Variants in PRKN observed in about 807,000 individuals in gnomAD.
The protein encoded by PRKN is parkin RBR E3 ubiquitin protein ligase, also known as E3 ubiquitin-protein ligase parkin.
In PRKN, 56 loss-of-function variants were observed where a neutral mutation model predicts 59.5. The ratio of observed to expected loss-of-function variants is 0.94; its 90% CI spans 0.76 to 1.18. The LOEUF is 1.18. PRKN is among the 50% of genes most tolerant of loss of function. PRKN has a pLI of 0.00. For missense variants in PRKN, 657 were observed against 596.4 expected (o/e 1.10, Z -1.06); for synonymous variants, 250 against 222.1 (o/e 1.13, Z -1.12).
chr6:162,268,017 C>T (rs1329124650), intron 2 of PRKN, among the ~76,000 whole-genome samples: 3 of 152,004 alleles, frequency 2.0e-5, no homozygotes, highest in Non-Finnish European at 4.4e-5. Context: ...AAATTGTTAA[C>T]AATACCACAT....
chr6:161,650,931 T>C (rs1398089906), intron 7 of PRKN, among the ~76,000 whole-genome samples: 1 of 152,222 alleles, frequency 6.6e-6, no homozygotes, highest in African/African-American at 2.4e-5. Context: ...GTGTGCTACA[T>C]TTTGCATTTA....
chr6:162,578,180 T>C (rs984667649), intron 1 of PRKN, among the ~76,000 whole-genome samples: 2 of 152,106 alleles, frequency 1.3e-5, no homozygotes, highest in African/African-American at 2.4e-5. Context: ...CCACTAAAAA[T>C]AGTAATCCAC....
intron 1 of PRKN, among the ~76,000 whole-genome samples, chr6:162,621,359 C>T (rs1198768772): frequency 6.6e-6 from 1 of 152,142 alleles, no homozygotes; most frequent in Non-Finnish European, 1.5e-5. Context: ...GAGAACAAGT[C>T]GAGGTTAGCA....
chr6:161,617,576 G>A (rs1782743057), intron 7 of PRKN, among the ~76,000 whole-genome samples: 1 of 152,184 alleles, frequency 6.6e-6, no homozygotes, highest in Admixed American at 6.5e-5. Flanking sequence ...ATGGGACCAG[G>A]AACTTGCACA....
chr6:161,880,905 A>G (rs1487207114), intron 6 of PRKN, among the ~76,000 whole-genome samples: 2 of 152,206 alleles, frequency 1.3e-5, no homozygotes, highest in Non-Finnish European at 2.9e-5. Context: ...GGTTATAAGG[A>G]CGTGGGAGAT....
chr6:162,235,039 T>C (rs1778587427), intron 3 of PRKN, among the ~76,000 whole-genome samples: 1 of 152,164 alleles, frequency 6.6e-6, no homozygotes, highest in Non-Finnish European at 1.5e-5. Flanking sequence ...AATATAACTT[T>C]ATGAAAAAAA....
chr6:162,280,019 G>A (rs761364007), intron 2 of PRKN, among the ~76,000 whole-genome samples: 2 of 151,498 alleles, frequency 1.3e-5, no homozygotes, highest in Non-Finnish European at 1.5e-5. Context: ...CATTCCATTT[G>A]CTTGGTAAAT....
At chr6:162,304,022 A>G (rs2128114848) in intron 2 of PRKN, among the ~76,000 whole-genome samples, 1 of 152,224 alleles carries the variant, frequency 6.6e-6, no homozygotes, top group East Asian at 1.9e-4. Flanking sequence ...ATAACTGAAA[A>G]CATACTGAAA....
rs115593839 is a variant in PRKN, at chr6:161,560,982, T to C, written c.933+8373A>G. Reference sequence around the variant, plus strand: ...ATCACCTCCACCTTCCCTGGGCGTGTAGCCCTGCAGCTGGACACAATGGCA... The same window carrying C: ...ATCACCTCCACCTTCCCTGGGCGTGCAGCCCTGCAGCTGGACACAATGGCA... On this transcript the variant is annotated intron_variant, in intron 8 of 11. Transcript: ENST00000366898. This position sits in a 1 kb window ranked among gnomAD's most constrained non-coding sequence, Gnocchi z 4.9. Among the ~76,000 whole-genome samples the C allele has an allele frequency of 1.4e-3, 214 of 152,286 alleles. 1 individual carries two copies. Among genetic ancestry groups the C allele is most frequent in the African/African-American group, 4.5e-3 (187 of 41,566 alleles).
intron 5 of PRKN, among the ~76,000 whole-genome samples, chr6:162,053,780 C>T (rs1016387420): frequency 3.9e-5 from 6 of 152,114 alleles, no homozygotes; most frequent in African/African-American, 1.4e-4. Flanking sequence ...TTTGGAGGCT[C>T]TGCACTGGCT....
chr6:162,043,507 A>T (rs1784142557), intron 5 of PRKN, among the ~76,000 whole-genome samples: 1 of 152,218 alleles, frequency 6.6e-6, no homozygotes, highest in African/African-American at 2.4e-5. Flanking sequence ...TCACAAATGG[A>T]CAAATGGAGA....
At chr6:162,354,311 G>A (rs544586111) in intron 2 of PRKN, among the ~76,000 whole-genome samples, 5 of 152,194 alleles carry the variant, frequency 3.3e-5, no homozygotes, top group African/African-American at 4.8e-5. Context: ...AATTGCTCAT[G>A]AGGCAGATAG....
chr6:162,624,489 G>C (rs1782806440), intron 1 of PRKN: 1 of 152,164 alleles, frequency 6.6e-6, no homozygotes, highest in South Asian at 2.1e-4. Context: ...TCTAATATCG[G>C]AGTTCAAATA....
At position 161,949,455 on chromosome 6, in the gene PRKN, G is replaced by A. The variant is rs181249992; in HGVS notation, c.734+23847C>T. 1.3e-3 allele frequency among the ~76,000 whole-genome samples: 201 copies of A among 152,260 alleles called. 1 individual carries two copies. The highest frequency in any genetic ancestry group is 4.7e-3 in the African/African-American group (194 of 41,538). ...GAACCCAGGAGGTGGAGGTTGCGGT[G>A]AGCCGAGTTTGCGCCACTGCACTCC... On this transcript the variant is annotated intron_variant, in intron 6 of 11. Transcript: ENST00000366898.
chr6:161,534,532 G>A (rs912815250), intron 9 of PRKN, among the ~76,000 whole-genome samples: 1 of 152,240 alleles, frequency 6.6e-6, no homozygotes, highest in Non-Finnish European at 1.5e-5. Context: ...ACTATGAGAT[G>A]TGTTCAAGGT....
chr6:162,488,299 C>T (rs1312445805), intron 1 of PRKN, among the ~76,000 whole-genome samples: 1 of 152,112 alleles, frequency 6.6e-6, no homozygotes. Context: ...GGAAACGCCC[C>T]TATGCCTGAT....
chr6:161,724,545 C>T (rs1323986783), intron 7 of PRKN, among the ~76,000 whole-genome samples: 1 of 152,190 alleles, frequency 6.6e-6, no homozygotes, highest in Non-Finnish European at 1.5e-5. Context: ...TTTGATTTGT[C>T]CAAAGCCTGA....
chr6:161,628,145 A>C lies in PRKN; in HGVS notation c.872-58729T>G, dbSNP rs1050703080. Among the ~76,000 whole-genome samples the C allele has an allele frequency of 4.6e-5, 7 of 152,326 alleles. No individual in the cohort carries two copies. The East Asian group carries it at 1.3e-3, about 29-fold the overall frequency. On this transcript the variant is annotated intron_variant, in intron 7 of 11. Transcript: ENST00000366898. Reference sequence around the variant, plus strand: ...CTTATTCTATAGAAAAACTAGATTAAAAAATCAATGTCATTTACATGATTT... The same window carrying C: ...CTTATTCTATAGAAAAACTAGATTACAAAATCAATGTCATTTACATGATTT...
intron 3 of PRKN, among the ~76,000 whole-genome samples, chr6:162,230,212 A>C (rs550353284): frequency 6.6e-6 from 1 of 152,342 alleles, no homozygotes; most frequent in African/African-American, 2.4e-5. Flanking sequence ...AGCAATTTTT[A>C]TATTATTGGC....
Sources: allele counts gnomAD v4.1 joint callset (sites outside exome capture counted in the v4.1 genomes callset), GRCh38; gene constraint gnomAD v4.1.1; non-coding constraint Gnocchi (gnomAD v3.1); transcripts MANE v1.5; gene names NCBI Gene and HGNC (gene_info 2026-07-23, HGNC 2026-07-21).